GALNT13: variants seen among roughly 807,000 people sequenced by gnomAD.
The protein encoded by GALNT13 is UDP-GalNAc:polypeptide N-acetylgalactosaminyltransferase 13.
In GALNT13, 28 loss-of-function variants were observed where a neutral mutation model predicts 64.2. That is an observed-to-expected ratio of 0.44 (90% confidence interval 0.32 to 0.60). The LOEUF (loss-of-function observed/expected upper bound fraction) is 0.60, where lower values mean the gene tolerates loss of function less well. Ranked by LOEUF, GALNT13 falls within the 20% of genes least tolerant of loss-of-function variation. The probability of loss-of-function intolerance (pLI) is 0.05; values close to 1 mark genes in which losing one functional copy is unlikely to be tolerated. For missense variants in GALNT13, 577 were observed against 669.8 expected (o/e 0.86, Z 1.53); for synonymous variants, 214 against 224.6 (o/e 0.95, Z 0.42).
In GALNT13 at chr2:154,020,417, T is replaced by C. The variant is rs565877183; in HGVS notation, c.142+75778T>C. 4.6e-5 allele frequency among the ~76,000 whole-genome samples: 7 copies of C among 152,302 alleles called. 1 individual carries two copies. The East Asian group carries it at 1.3e-3, about 29-fold the overall frequency. On this transcript the variant is annotated intron_variant, in intron 3 of 12. Transcript: ENST00000392825. ...CTAACTGGTGTGAGATGGTATCTCA[T>C]TGTGGTTTTGATTTGCATTTTTCTG...
chr2:153,129,382 A>C, the GALNT13 span, among the ~76,000 whole-genome samples: 1 of 152,154 alleles, frequency 6.6e-6, no homozygotes, highest in Non-Finnish European at 1.5e-5. Flanking sequence ...ATTTCTAGAA[A>C]CAATTCATTA....
the GALNT13 span, among the ~76,000 whole-genome samples, chr2:153,586,158 GA>G: frequency 6.6e-6 from 1 of 152,096 alleles, no homozygotes; most frequent in Admixed American, 6.6e-5. Flanking sequence ...AAAACAACTA[GA>G]AAAAAGTTAA....
At chr2:153,226,143 A>G in the GALNT13 span, among the ~76,000 whole-genome samples, 5 of 152,078 alleles carry the variant, frequency 3.3e-5, no homozygotes, top group African/African-American at 1.2e-4. Flanking sequence ...CATATTGGCC[A>G]GGCTGGTCTC....
At chr2:154,238,531 C>A (rs1299856373) in intron 4 of GALNT13, among the ~76,000 whole-genome samples, 1 of 151,748 alleles carries the variant, frequency 6.6e-6, no homozygotes, top group Non-Finnish European at 1.5e-5. Context: ...AAAATACAGA[C>A]AATAATACCA....
chr2:154,026,556 G>T (rs956183385), intron 3 of GALNT13, among the ~76,000 whole-genome samples: 36 of 152,280 alleles, frequency 2.4e-4, no homozygotes, highest in African/African-American at 8.7e-4. Flanking sequence ...AGCATGGGCA[G>T]GTTCTGGTCA....
intron 7 of GALNT13, among the ~76,000 whole-genome samples, chr2:154,252,683 C>CCCAAATA (rs943224032): frequency 1.3e-5 from 2 of 151,628 alleles, no homozygotes; most frequent in African/African-American, 4.9e-5. Context: ...AATTAACTAC[C>CCCAAATA]CCAAATCTTT....
chr2:153,192,611 A>G, the GALNT13 span, among the ~76,000 whole-genome samples: 1 of 152,066 alleles, frequency 6.6e-6, no homozygotes, highest in East Asian at 1.9e-4. Flanking sequence ...GTCCCCAAAT[A>G]TTATATATTG....
chr2:153,925,461 T>C (rs943482609), intron 2 of GALNT13, among the ~76,000 whole-genome samples: 2 of 151,554 alleles, frequency 1.3e-5, no homozygotes, highest in African/African-American at 2.4e-5. Context: ...TTTAGCTGTA[T>C]AGTATAGTTT....
At chr2:153,739,177 T>G in the GALNT13 span, among the ~76,000 whole-genome samples, 4 of 151,956 alleles carry the variant, frequency 2.6e-5, no homozygotes. Flanking sequence ...GTATAAATCT[T>G]AAATCCATAT....
At chr2:153,073,977 A>G in the GALNT13 span, among the ~76,000 whole-genome samples, 3 of 151,578 alleles carry the variant, frequency 2.0e-5, no homozygotes, top group African/African-American at 7.3e-5. Context: ...ATATTTCCTT[A>G]CTCCCTATAT....
chr2:153,997,386 T>A (rs1469338464), intron 3 of GALNT13, among the ~76,000 whole-genome samples: 1 of 152,124 alleles, frequency 6.6e-6, no homozygotes, highest in Admixed American at 6.5e-5. Flanking sequence ...GTTGTAGTGA[T>A]CCTTTACCCC....
chr2:153,560,061 T>C, the GALNT13 span, among the ~76,000 whole-genome samples: 1 of 152,038 alleles, frequency 6.6e-6, no homozygotes, highest in African/African-American at 2.4e-5. Flanking sequence ...TCAAATTGGT[T>C]CCTATAGCCT....
chr2:153,105,594 C>A, the GALNT13 span, among the ~76,000 whole-genome samples: 2 of 152,172 alleles, frequency 1.3e-5, no homozygotes, highest in Non-Finnish European at 2.9e-5. Context: ...TCCCTGTTTG[C>A]AGATGACATG....
the GALNT13 span, among the ~76,000 whole-genome samples, chr2:153,611,910 T>C: frequency 6.7e-6 from 1 of 148,928 alleles, no homozygotes; most frequent in Non-Finnish European, 1.5e-5. Context: ...CCTGTGTCCA[T>C]GTGTTCTCAT....
the GALNT13 span, among the ~76,000 whole-genome samples, chr2:153,838,092 C>T: frequency 6.6e-6 from 1 of 151,854 alleles, no homozygotes; most frequent in Non-Finnish European, 1.5e-5. Context: ...GGTCCTTTGT[C>T]CATTTTTAAC....
the GALNT13 span, among the ~76,000 whole-genome samples, chr2:153,434,562 G>C: frequency 6.6e-6 from 1 of 152,102 alleles, no homozygotes; most frequent in Non-Finnish European, 1.5e-5. Context: ...GTTTTGATTT[G>C]CATTTCTCTG....
chr2:153,978,806 C>T (rs532892235), intron 3 of GALNT13, among the ~76,000 whole-genome samples: 80 of 152,184 alleles, frequency 5.3e-4, no homozygotes, highest in African/African-American at 1.7e-3. Flanking sequence ...CATGGTGGCT[C>T]ACACAGGCAG....
At chr2:154,027,942 G>T (rs1265367626) in intron 3 of GALNT13, among the ~76,000 whole-genome samples, 1 of 152,028 alleles carries the variant, frequency 6.6e-6, no homozygotes, top group African/African-American at 2.4e-5. Flanking sequence ...TTTAAATAAA[G>T]TGAATATTAT....
the GALNT13 span, among the ~76,000 whole-genome samples, chr2:153,628,472 G>C: frequency 6.6e-6 from 1 of 151,638 alleles, no homozygotes; most frequent in East Asian, 1.9e-4. Flanking sequence ...GTATGATATT[G>C]GCTGTGGGTT....
Sources: gnomAD v4.1 joint callset for allele counts (sites outside exome capture counted in the v4.1 genomes callset) on GRCh38, gnomAD v4.1.1 for gene constraint, MANE v1.5 for transcripts, NCBI Gene and HGNC (gene_info 2026-07-23, HGNC 2026-07-21) for gene names.